Variants in TNRC6B observed in about 807,000 individuals in gnomAD.
TNRC6B encodes the protein trinucleotide repeat-containing gene 6B protein.
In TNRC6B, 52 loss-of-function variants were observed where a neutral mutation model predicts 203.6. The ratio of observed to expected loss-of-function variants is 0.26; its 90% CI spans 0.20 to 0.32. The LOEUF (loss-of-function observed/expected upper bound fraction) is 0.32, where lower values mean the gene tolerates loss of function less well. Among genes scored for constraint, TNRC6B ranks in the 10% least tolerant of loss-of-function variants. The pLI, the probability that TNRC6B is intolerant of heterozygous loss-of-function variation, is 1.00. For synonymous variants in TNRC6B, 838 were observed against 845.7 expected, an observed-to-expected ratio of 0.99 and a Z score of 0.16; for missense variants, 1,923 against 2,286.2, an observed-to-expected ratio of 0.84 and a Z score of 3.24.
At position 40,262,151 on chromosome 22, in the gene TNRC6B, G is replaced by T. The variant is rs768104037; in HGVS notation, c.435G>T (p.Gln145His). 1 of 1,454,024 alleles carries T rather than the reference G, an allele frequency of 6.9e-7. No individual in the cohort carries two copies. Among genetic ancestry groups the T allele is most frequent in the Admixed American group, 2.0e-5 (1 of 49,052 alleles). 90.1% of individuals were successfully genotyped at this position (1,454,024 alleles called of 1,614,324 possible). The change falls in exon 4 of 23, where the codon CAG becomes CAT. Residue 145 changes from glutamine to histidine, a missense_variant. Gln to His is a conservative substitution (Grantham distance 24, BLOSUM62 0). Around this residue, in one of 8 missense-constraint regions of TNRC6B, gnomAD observed 614 missense variants for 587.7 expected, o/e 1.04. Transcript: ENST00000454349. ...NNAQVTGALL[Q>H]SESGTAPDST... is the part of the protein sequence containing the mutation. ...CACAAGTGACAGGAGCGCTGCTGCA[G>T]AGTGAGAGTGGGACTGCGCCAGGTA... is the stretch of plus-strand genomic sequence containing the variant.
intron 4 of TNRC6B, chr22:40,156,289 T>A (rs1193285314): frequency 2.1e-5 from 23 of 1,106,780 alleles, no homozygotes; most frequent in Non-Finnish European, 2.9e-5. Context: ...TTGGAGACAT[T>A]GGGGAACTCA....
intron 5 of TNRC6B, among the ~76,000 whole-genome samples, chr22:40,269,355 A>G (rs2146506031): frequency 6.6e-6 from 1 of 151,730 alleles, no homozygotes; most frequent in South Asian, 2.1e-4. Flanking sequence ...GCTAGTCTTG[A>G]ACTCCTGACC....
chr22:40,109,796 T>C (rs900051998), intron 1 of TNRC6B, among the ~76,000 whole-genome samples: 2 of 152,216 alleles, frequency 1.3e-5, no homozygotes, highest in Admixed American at 6.5e-5. Flanking sequence ...GCTCACCGTT[T>C]TCTCTACGTT....
chr22:40,143,798 GAATACATCTTTCTAATAAAAGTCTGC>G (rs1032591739), intron 3 of TNRC6B, among the ~76,000 whole-genome samples: 67 of 152,258 alleles, frequency 4.4e-4, no homozygotes, highest in Admixed American at 7.2e-4. Flanking sequence ...GCCCGGCCTG[GAATACATCTTTCTAATAAAAGTCTGC>G]AATACATCTT....
chr22:40,232,147 G>T (rs1033613033), intron 1 of TNRC6B, among the ~76,000 whole-genome samples: 2 of 152,192 alleles, frequency 1.3e-5, no homozygotes, highest in African/African-American at 2.4e-5. Flanking sequence ...AAACAGGAGT[G>T]TTAGGTGGCT....
At chr22:40,075,807 T>C (rs910282986) in intron 1 of TNRC6B, among the ~76,000 whole-genome samples, 7 of 152,238 alleles carry the variant, frequency 4.6e-5, no homozygotes. Context: ...GCTTAAAATA[T>C]GCATCTTTAA....
chr22:40,148,495 G>A (rs1161473121), intron 3 of TNRC6B, among the ~76,000 whole-genome samples: 6 of 151,976 alleles, frequency 3.9e-5, no homozygotes, highest in Non-Finnish European at 7.4e-5. Flanking sequence ...TGTTGGCCAG[G>A]ATGATCTCAA....
chr22:40,128,937 A>G (rs1452749359), intron 3 of TNRC6B, among the ~76,000 whole-genome samples: 1 of 152,200 alleles, frequency 6.6e-6, no homozygotes, highest in African/African-American at 2.4e-5. Flanking sequence ...ATAAATATAA[A>G]TAAAGATAAT....
At chr22:40,248,989 C>T (rs1360209721) in intron 2 of TNRC6B, among the ~76,000 whole-genome samples, 1 of 152,168 alleles carries the variant, frequency 6.6e-6, no homozygotes, top group Non-Finnish European at 1.5e-5. Flanking sequence ...GAGACATCAC[C>T]TCAGCTAGGA....
At chr22:40,106,873 C>T (rs1378029909) in intron 1 of TNRC6B, 3 of 985,124 alleles carry the variant, frequency 3.0e-6, no homozygotes, top group Non-Finnish European at 4.8e-6. Flanking sequence ...CAGTTCTGTC[C>T]ATCTGCCTAT....
At chr22:40,117,641 A>G (rs556814387) in intron 2 of TNRC6B, among the ~76,000 whole-genome samples, 1 of 152,050 alleles carries the variant, frequency 6.6e-6, no homozygotes, top group Admixed American at 6.5e-5. Context: ...TCTTTTCCCT[A>G]GATATATATA....
At chr22:40,269,879 C>A in intron 5 of TNRC6B, among the ~76,000 whole-genome samples, 1 of 127,532 alleles carries the variant, frequency 7.8e-6, no homozygotes, top group East Asian at 2.5e-4. Flanking sequence ...TGGAGCAAGA[C>A]TCTGTCTCAA....
chr22:40,125,318 C>T (rs1231152207), intron 2 of TNRC6B, among the ~76,000 whole-genome samples: 1 of 152,116 alleles, frequency 6.6e-6, no homozygotes, highest in East Asian at 1.9e-4. Flanking sequence ...GAACGTTATT[C>T]ATAAATTATA....
intron 19 of TNRC6B, among the ~76,000 whole-genome samples, chr22:40,313,313 A>T (rs1239721928): frequency 6.6e-6 from 1 of 152,208 alleles, no homozygotes; most frequent in Non-Finnish European, 1.5e-5. Flanking sequence ...CAAGAAGTCA[A>T]GGGTCATGAG....
chr22:40,060,247 G>T (rs2067838799), intron 1 of TNRC6B, among the ~76,000 whole-genome samples: 1 of 141,256 alleles, frequency 7.1e-6, no homozygotes, highest in Non-Finnish European at 1.5e-5. Flanking sequence ...TTGACAAAAA[G>T]TCTCACTCTG....
intron 1 of TNRC6B, among the ~76,000 whole-genome samples, chr22:40,092,313 G>A (rs2146297999): frequency 6.6e-6 from 1 of 151,268 alleles, no homozygotes; most frequent in South Asian, 2.1e-4. Context: ...TGAGGTGGGA[G>A]AATCATTTGA....
At chr22:40,084,383 G>A (rs1009390310) in intron 1 of TNRC6B, among the ~76,000 whole-genome samples, 1 of 152,158 alleles carries the variant, frequency 6.6e-6, no homozygotes, top group African/African-American at 2.4e-5. Context: ...AAGGTCCTTC[G>A]AGCTGAGCAG....
chr22:40,287,729 T>G (rs1220560450), intron 12 of TNRC6B, among the ~76,000 whole-genome samples: 1 of 152,218 alleles, frequency 6.6e-6, no homozygotes, highest in African/African-American at 2.4e-5. Context: ...CTGTAGCATG[T>G]TAGATAATGT....
intron 3 of TNRC6B, among the ~76,000 whole-genome samples, chr22:40,128,144 T>C (rs2068510108): frequency 6.6e-6 from 1 of 152,230 alleles, no homozygotes; most frequent in South Asian, 2.1e-4. Context: ...CTGTTATAAA[T>C]TAGATTATAA....
Sources: allele counts gnomAD v4.1 joint callset (sites outside exome capture counted in the v4.1 genomes callset), GRCh38; gene constraint gnomAD v4.1.1; regional missense constraint gnomAD v4.1.1; transcripts MANE v1.5; gene names NCBI Gene and HGNC (gene_info 2026-07-23, HGNC 2026-07-21).